Variants in NTRK2 observed in about 807,000 individuals in gnomAD.
NTRK2 encodes the protein neurotrophic receptor tyrosine kinase 2, also known as BDNF/NT-3 growth factors receptor.
NTRK2 carries 13 observed loss-of-function variants against 94.5 expected under a neutral mutation model. That is an observed-to-expected ratio of 0.14 (90% CI 0.09 to 0.22). The LOEUF is 0.22. Among genes scored for constraint, NTRK2 ranks in the 10% least tolerant of loss-of-function variants. The pLI, the probability that NTRK2 is intolerant of heterozygous loss-of-function variation, is 1.00. For synonymous variants in NTRK2, 372 were observed against 407.4 expected (o/e 0.91, Z 1.05); for missense variants, 639 against 1,071.2 (o/e 0.60, Z 5.63).
chr9:84,749,435 G>A (rs1315226713), intron 11 of NTRK2, among the ~76,000 whole-genome samples: 1 of 152,164 alleles, frequency 6.6e-6, no homozygotes, highest in African/African-American at 2.4e-5. Context: ...TTAGCCATAT[G>A]TTTTTATTTT....
At chr9:84,880,647 T>G (rs1292769301) in intron 14 of NTRK2, among the ~76,000 whole-genome samples, 1 of 152,208 alleles carries the variant, frequency 6.6e-6, no homozygotes. Flanking sequence ...TCAGGAGATA[T>G]CAAGGAGCTG....
chr9:84,900,163 C>T (rs1404095692), intron 14 of NTRK2, among the ~76,000 whole-genome samples: 1 of 152,170 alleles, frequency 6.6e-6, no homozygotes, highest in African/African-American at 2.4e-5. Context: ...GGAAAGGAAG[C>T]GCGCACTTCC....
intron 6 of NTRK2, 68 bp downstream of exon 6, chr9:84,710,859 C>A: frequency 6.6e-7 from 1 of 1,524,256 alleles, no homozygotes; most frequent in South Asian, 1.1e-5. Flanking sequence ...GTGCGGTAGT[C>A]TGGGAAAATT....
chr9:84,965,484 C>A (rs1825447747), intron 17 of NTRK2, among the ~76,000 whole-genome samples: 2 of 152,150 alleles, frequency 1.3e-5, no homozygotes, highest in African/African-American at 2.4e-5. Flanking sequence ...CTGGAAAATT[C>A]TCTGAAAGCA....
intron 12 of NTRK2, among the ~76,000 whole-genome samples, chr9:84,833,025 G>T (rs1254307714): frequency 6.6e-6 from 1 of 150,966 alleles, no homozygotes; most frequent in Admixed American, 6.6e-5. Context: ...CACAGCTGAG[G>T]CTGCCCTTCT....
At chr9:84,713,003 A>G (rs1439047) in intron 6 of NTRK2, among the ~76,000 whole-genome samples, 76,979 of 152,070 alleles carry the variant, frequency 0.51, 19,730 homozygotes, top group East Asian at 0.59. Context: ...AAAGAAGCAG[A>G]ATTGTTGGTT....
intron 12 of NTRK2, among the ~76,000 whole-genome samples, chr9:84,835,482 A>T (rs1441440795): frequency 3.3e-5 from 5 of 152,152 alleles, no homozygotes; most frequent in Non-Finnish European, 5.9e-5. Context: ...AAGCCACGGG[A>T]TATGTTTTCT....
intron 14 of NTRK2, chr9:84,875,134 C>G: frequency 9.4e-7 from 1 of 1,059,916 alleles, no homozygotes; most frequent in Non-Finnish European, 1.1e-6. Context: ...CTTTTAATCT[C>G]TTGTAATATA....
At chr9:84,939,870 T>C (rs186722373) in intron 15 of NTRK2, among the ~76,000 whole-genome samples, 145 of 152,244 alleles carry the variant, frequency 9.5e-4, no homozygotes, top group African/African-American at 3.4e-3. Flanking sequence ...CTTCCCTCTG[T>C]ATTGGCTTAA....
At position 85,024,422 on chromosome 9, in the gene NTRK2, A is replaced by T; in HGVS notation, c.*2985A>T. The T allele has an allele frequency of 4.3e-6, 1 of 233,052 alleles. No individual in the cohort carries two copies. The highest frequency in any genetic ancestry group is 8.5e-6 in the Non-Finnish European group (1 of 117,900). 14.4% of individuals were successfully genotyped at this position (233,052 alleles called of 1,614,324 possible). On this transcript the variant is annotated 3_prime_UTR_variant, in exon 19 of 19. Transcript: ENST00000277120. ...CCTGGTCTGACAATCATTTCCATTTAGAAGTCATTGAATAGTTTTCCAAAC... is the reference window on the plus strand; with the variant it reads ...CCTGGTCTGACAATCATTTCCATTTTGAAGTCATTGAATAGTTTTCCAAAC...
intron 17 of NTRK2, among the ~76,000 whole-genome samples, chr9:84,978,007 C>T (rs983200326): frequency 6.6e-6 from 1 of 152,192 alleles, no homozygotes; most frequent in African/African-American, 2.4e-5. Flanking sequence ...TGTATTCTGA[C>T]TGCTCTACCA....
At chr9:84,829,570 A>G (rs1318629465) in intron 12 of NTRK2, among the ~76,000 whole-genome samples, 3 of 151,946 alleles carry the variant, frequency 2.0e-5, no homozygotes, top group Non-Finnish European at 4.4e-5. Context: ...TGGTGTGTTG[A>G]GTGTTCTGTC....
At chr9:84,958,097 G>T (rs1358188515) in intron 17 of NTRK2, among the ~76,000 whole-genome samples, 1 of 152,156 alleles carries the variant, frequency 6.6e-6, no homozygotes, top group East Asian at 1.9e-4. Context: ...GGGCAGGGAA[G>T]AATGGGAATT....
At chr9:85,008,156 A>C (rs1456937176) in intron 17 of NTRK2, among the ~76,000 whole-genome samples, 1 of 151,948 alleles carries the variant, frequency 6.6e-6, no homozygotes, top group Non-Finnish European at 1.5e-5. Flanking sequence ...GGGAACTGAC[A>C]GCATCACTAG....
intron 12 of NTRK2, among the ~76,000 whole-genome samples, chr9:84,836,474 G>T (rs908078561): frequency 6.6e-6 from 1 of 151,728 alleles, no homozygotes. Flanking sequence ...GTTGCAGTAG[G>T]GAAAGTGGGA....
intron 16 of NTRK2, 60 bp from the exon 17 acceptor site, chr9:84,955,223 A>G: frequency 2.9e-6 from 4 of 1,397,486 alleles, no homozygotes; most frequent in Non-Finnish European, 3.0e-6. Flanking sequence ...GGCAGGGGCA[A>G]AGGGCCCCTG....
intron 14 of NTRK2, among the ~76,000 whole-genome samples, chr9:84,890,744 G>A (rs1183999381): frequency 3.3e-5 from 5 of 152,114 alleles, no homozygotes; most frequent in Non-Finnish European, 7.4e-5. Flanking sequence ...TGTGGTAATG[G>A]AACAAAGACG....
chr9:84,767,725 C>A (rs1226604892), intron 12 of NTRK2, among the ~76,000 whole-genome samples: 3 of 152,196 alleles, frequency 2.0e-5, no homozygotes, highest in Non-Finnish European at 4.4e-5. Context: ...TTTCCCCATA[C>A]TACGTCTCTC....
At chr9:84,684,121 A>T in intron 2 of NTRK2, among the ~76,000 whole-genome samples, 1 of 147,888 alleles carries the variant, frequency 6.8e-6, no homozygotes, top group African/African-American at 2.5e-5. Flanking sequence ...TAGATTGCAA[A>T]AATTTTCTCC....
Sources: gnomAD v4.1 joint callset for allele counts (sites outside exome capture counted in the v4.1 genomes callset) on GRCh38, gnomAD v4.1.1 for gene constraint, MANE v1.5 for transcripts, NCBI Gene and HGNC (gene_info 2026-07-23, HGNC 2026-07-21) for gene names.